Variants in SLC25A30 observed in about 807,000 individuals in gnomAD.
The protein encoded by SLC25A30 is solute carrier family 25 member 30.
A neutral mutation model predicts 42.7 loss-of-function variants in SLC25A30; 29 were observed. The ratio of observed to expected loss-of-function variants is 0.68; its 90% confidence interval spans 0.51 to 0.93. The LOEUF is 0.93. SLC25A30 is among the 40% of genes least tolerant of loss of function. The pLI is 0.00. For missense variants in SLC25A30, 300 were observed against 359.7 expected (o/e 0.83, Z 1.34); for synonymous variants, 124 against 131.0 (o/e 0.95, Z 0.37).
At chr13:45,398,064 C>T (rs779423889) in intron 8 of SLC25A30, 32 of 985,112 alleles carry the variant, frequency 3.2e-5, no homozygotes, top group African/African-American at 7.0e-5. Context: ...TAAGGCAACA[C>T]CTGAAGAATA....
chr13:45,418,944 A>G (rs1883771600), upstream of SLC25A30, among the ~76,000 whole-genome samples: 1 of 39,948 alleles, frequency 2.5e-5, no homozygotes, highest in African/African-American at 1.9e-4. Context: ...TCGTCTCAAA[A>G]AAAAAAAAAA....
chr13:45,395,751 G>C lies in SLC25A30; in HGVS notation c.*223C>G. The C allele has an allele frequency of 7.0e-7, 1 of 1,418,744 alleles. No homozygotes were observed. Among genetic ancestry groups the C allele is most frequent in the Non-Finnish European group, 9.2e-7 (1 of 1,087,882 alleles). The allele number at this position is 1,418,744 out of a possible 1,614,324, so 87.9% of individuals were successfully genotyped here. On this transcript the variant is annotated 3_prime_UTR_variant, in exon 10 of 10. Transcript: ENST00000519676. ...ATCTTTGATGTTGAAGGGCACTTCA[G>C]TGGTAAAGACTAGTGTTTGGATGTT...
chr13:45,424,844 A>T, the SLC25A30 span, among the ~76,000 whole-genome samples: 2 of 55,788 alleles, frequency 3.6e-5, 1 homozygote, highest in Non-Finnish European at 6.1e-5. Flanking sequence ...ATATAAAAAT[A>T]TATATAAATA....
At chr13:45,419,681 G>A (rs950692197), upstream of SLC25A30, among the ~76,000 whole-genome samples, 16 of 150,654 alleles carry the variant, frequency 1.1e-4, no homozygotes, top group Admixed American at 4.6e-4. Context: ...TGTAATCCCA[G>A]CATTTTGGGA....
chr13:45,406,763 T>C (rs968196516), intron 3 of SLC25A30, among the ~76,000 whole-genome samples: 1 of 152,244 alleles, frequency 6.6e-6, no homozygotes, highest in African/African-American at 2.4e-5. Context: ...CTCTTTGCAG[T>C]GTGTGCCACT....
chr13:45,417,927 A>C (rs1176486873), intron 1 of SLC25A30, among the ~76,000 whole-genome samples: 2 of 152,160 alleles, frequency 1.3e-5, no homozygotes, highest in East Asian at 3.9e-4. Flanking sequence ...CACGAGTGGG[A>C]GGGACGCACA....
chr13:45,411,839 T>G (rs771856184), intron 1 of SLC25A30: 2 of 191,724 alleles, frequency 1.0e-5, no homozygotes, highest in East Asian at 2.7e-4. Context: ...GCAGCAGCCA[T>G]GATGGCTCAC....
Position 45,395,566 on chromosome 13 carries a change from G to A in SLC25A30, c.*408C>T, listed in dbSNP as rs927012957. On this transcript the variant is annotated 3_prime_UTR_variant, in exon 10 of 10. Transcript: ENST00000519676. Reference sequence around the variant, plus strand: ...AATTCAGAAACCATAACACCTTCTCGGAGGCTCCATTCCATGGTTCCAGTG... The same window carrying A: ...AATTCAGAAACCATAACACCTTCTCAGAGGCTCCATTCCATGGTTCCAGTG... 8 of 1,076,382 alleles carry A rather than the reference G, an allele frequency of 7.4e-6. No individual in the cohort carries two copies. Among genetic ancestry groups the A allele is most frequent in the Admixed American group, 4.7e-5 (1 of 21,304 alleles). 66.7% of individuals were successfully genotyped at this position (1,076,382 alleles called of 1,614,324 possible). A position where few individuals can be genotyped will look rare whatever the true frequency, so the allele number is the denominator to read the frequency against.
rs1322955547 is a variant in SLC25A30 at position 45,400,014 on chromosome 13, TTA to T, written c.615-938_615-937del. Among the ~76,000 whole-genome samples, 54 of 88,820 alleles carry T rather than the reference TTA, an allele frequency of 6.1e-4. 1 individual carries two copies. Among genetic ancestry groups the T allele is most frequent in the African/African-American group, 7.8e-4 (18 of 23,060 alleles). 58.3% of individuals were successfully genotyped at this position (88,820 alleles called of 152,430 possible). On this transcript the variant is annotated intron_variant, in intron 7 of 9. Coordinates refer to ENST00000519676, the MANE Select transcript of SLC25A30 (RefSeq NM_001010875.4). ...TTGCCCACCAATGGATTATGTATGA[TTA>T]TATATATATATATATATACACACAC... is the stretch of plus-strand genomic sequence containing the variant.
chr13:45,410,118 CTCAA>C (rs1203646981), intron 2 of SLC25A30, among the ~76,000 whole-genome samples: 1 of 152,206 alleles, frequency 6.6e-6, no homozygotes, highest in African/African-American at 2.4e-5. Flanking sequence ...TCAACAGCTG[CTCAA>C]TCAGTGTTTG....
intron 9 of SLC25A30, chr13:45,396,220 A>G: frequency 7.0e-7 from 1 of 1,433,242 alleles, no homozygotes; most frequent in Non-Finnish European, 9.1e-7. Context: ...CACAGCTGAG[A>G]TATGTAAATC....
At chr13:45,415,424 C>T (rs746795478) in intron 1 of SLC25A30, among the ~76,000 whole-genome samples, 2 of 151,914 alleles carry the variant, frequency 1.3e-5, no homozygotes, top group Admixed American at 6.6e-5. Context: ...TAGAATTTTC[C>T]AGCAGAGGAA....
chr13:45,421,697 G>A (rs147885560), upstream of SLC25A30, among the ~76,000 whole-genome samples: 6 of 152,240 alleles, frequency 3.9e-5, no homozygotes, highest in East Asian at 1.9e-4. Flanking sequence ...TAAATGAGGC[G>A]ACGTGTGCAA....
chr13:45,423,541 TATATAAATAC>T, the SLC25A30 span, among the ~76,000 whole-genome samples: 9 of 92,640 alleles, frequency 9.7e-5, no homozygotes, highest in African/African-American at 3.7e-4. Context: ...TATACAAATA[TATATAAATAC>T]ATAAAAAAAA....
At chr13:45,402,471 A>T in intron 5 of SLC25A30, 101 bp from the exon 6 acceptor site, 1 of 958,102 alleles carries the variant, frequency 1.0e-6, no homozygotes, top group Non-Finnish European at 1.7e-6. Context: ...CAGTTGCTTA[A>T]TAACCATTAG....
upstream of SLC25A30, chr13:45,420,214 ATCTC>A (rs1284415915): frequency 1.3e-5 from 2 of 152,240 alleles, no homozygotes; most frequent in East Asian, 3.9e-4. Context: ...GCCCAGGGCC[ATCTC>A]TCTCTCATTT....
At chr13:45,428,864 CAAA>C in the SLC25A30 span, among the ~76,000 whole-genome samples, 4 of 124,072 alleles carry the variant, frequency 3.2e-5, no homozygotes, top group Admixed American at 3.2e-4. Context: ...GAGAGAGAGA[CAAA>C]AAAAGAGAAA....
intron 3 of SLC25A30, among the ~76,000 whole-genome samples, chr13:45,406,232 G>A (rs560344822): frequency 2.0e-5 from 3 of 152,052 alleles, no homozygotes; most frequent in Admixed American, 1.3e-4. Context: ...ACGGGCACCC[G>A]CCACCACACC....
intron 2 of SLC25A30, 150 bp downstream of exon 2, chr13:45,411,212 T>G (rs1882991950): frequency 3.0e-6 from 2 of 674,250 alleles, no homozygotes; most frequent in Non-Finnish European, 5.4e-6. Context: ...AGTGCTGAGA[T>G]TATAGGCGTG....
Sources: gnomAD v4.1 joint callset for allele counts (sites outside exome capture counted in the v4.1 genomes callset) on GRCh38, gnomAD v4.1.1 for gene constraint, MANE v1.5 for transcripts, NCBI Gene and HGNC (gene_info 2026-07-23, HGNC 2026-07-21) for gene names.